Variants in LRRIQ1 observed in about 807,000 individuals in gnomAD.
LRRIQ1 encodes leucine-rich repeat- and IQ domain-containing protein 1.
Under a neutral mutation model 211.9 loss-of-function variants are expected in LRRIQ1, and 210 were observed. The ratio of observed to expected loss-of-function variants is 0.99; its 90% CI spans 0.89 to 1.11. The LOEUF is 1.11. Among genes scored for constraint, LRRIQ1 ranks in the 50% most tolerant of loss-of-function variants. The pLI is 0.00. For synonymous variants in LRRIQ1, 699 were observed against 650.1 expected (o/e 1.08, Z -1.14); for missense variants, 2,136 against 1,939.5 (o/e 1.10, Z -1.90).
intron 24 of LRRIQ1, among the ~76,000 whole-genome samples, chr12:85,165,876 C>T (rs558103946): frequency 1.2e-4 from 18 of 152,250 alleles, no homozygotes; most frequent in Admixed American, 3.3e-4. Context: ...CAGGTCCCTG[C>T]TATTGTGACT....
chr12:85,120,957 GT>G (rs144827702), intron 15 of LRRIQ1, among the ~76,000 whole-genome samples: 33 of 151,286 alleles, frequency 2.2e-4, no homozygotes, highest in African/African-American at 4.1e-4. Context: ...TTTGTTTTTT[GT>G]TTTTTTTGTT....
chr12:85,259,346 T>A (rs1471276019), intron 1 of LRRIQ1, among the ~76,000 whole-genome samples: 1 of 152,078 alleles, frequency 6.6e-6, no homozygotes, highest in Non-Finnish European at 1.5e-5. Context: ...AATTTTAGTA[T>A]GATTATACAT....
At chr12:85,136,284 T>A (rs976845738) in intron 18 of LRRIQ1, among the ~76,000 whole-genome samples, 1 of 151,958 alleles carries the variant, frequency 6.6e-6, no homozygotes, top group Non-Finnish European at 1.5e-5. Context: ...TCAGCCATCA[T>A]CACTTGCCTT....
chr12:85,257,933 T>A (rs115454837), intron 1 of LRRIQ1, among the ~76,000 whole-genome samples: 3,242 of 151,908 alleles, frequency 0.021, 113 homozygotes, highest in African/African-American at 0.075. Flanking sequence ...CACACTGGTA[T>A]GTTAAAAATA....
intron 24 of LRRIQ1, among the ~76,000 whole-genome samples, chr12:85,213,635 G>T (rs1317257685): frequency 6.6e-6 from 1 of 151,920 alleles, no homozygotes. Flanking sequence ...CTTATGCAGG[G>T]TGTTTTCTGA....
chr12:85,147,325 C>T (rs1321401211), intron 19 of LRRIQ1, among the ~76,000 whole-genome samples: 1 of 151,754 alleles, frequency 6.6e-6, no homozygotes, highest in Non-Finnish European at 1.5e-5. Flanking sequence ...TTTCAGGAAT[C>T]ACAAGTCTGA....
chr12:85,141,096 A>G (rs897630145), intron 19 of LRRIQ1, among the ~76,000 whole-genome samples: 2 of 151,220 alleles, frequency 1.3e-5, no homozygotes, highest in African/African-American at 4.8e-5. Context: ...TTTGTTGGGA[A>G]GTGTTTCCTC....
At chr12:85,103,127 G>A (rs905842952) in intron 13 of LRRIQ1, among the ~76,000 whole-genome samples, 3 of 150,274 alleles carry the variant, frequency 2.0e-5, no homozygotes, top group African/African-American at 7.3e-5. Flanking sequence ...TCAAAGTAGA[G>A]TTAATTTACC....
chr12:85,214,047 C>T (rs910690991), intron 24 of LRRIQ1, among the ~76,000 whole-genome samples: 1 of 151,676 alleles, frequency 6.6e-6, no homozygotes, highest in Non-Finnish European at 1.5e-5. Context: ...ATTTAAAAAC[C>T]TAGAAAAATA....
intron 18 of LRRIQ1, 23 bp from the exon 19 acceptor site, chr12:85,137,827 A>G (rs1231129998): frequency 6.4e-7 from 1 of 1,565,622 alleles, no homozygotes; most frequent in South Asian, 1.2e-5. Flanking sequence ...ACTTTGTATA[A>G]CATACTTTAC....
chr12:85,086,146 A>G (rs1032483920), intron 11 of LRRIQ1, among the ~76,000 whole-genome samples: 5 of 152,196 alleles, frequency 3.3e-5, no homozygotes, highest in Non-Finnish European at 5.9e-5. Context: ...GTGAGATGGT[A>G]TATCATTGTG....
chr12:85,212,153 C>T (rs1893866791), intron 24 of LRRIQ1, among the ~76,000 whole-genome samples: 1 of 151,752 alleles, frequency 6.6e-6, no homozygotes, highest in South Asian at 2.1e-4. Flanking sequence ...GGTGTGGTGG[C>T]ATGCACCTGT....
At chr12:85,201,952 C>T (rs1301196892) in intron 24 of LRRIQ1, among the ~76,000 whole-genome samples, 1 of 152,104 alleles carries the variant, frequency 6.6e-6, no homozygotes. Context: ...CCTCCTAACA[C>T]TGTCTTAGCT....
chr12:85,216,650 T>C (rs1894104054), intron 24 of LRRIQ1, among the ~76,000 whole-genome samples: 1 of 151,916 alleles, frequency 6.6e-6, no homozygotes, highest in Non-Finnish European at 1.5e-5. Flanking sequence ...ACATGATTAA[T>C]AGTTTAAAGC....
In LRRIQ1 at chr12:85,072,986, AT is replaced by A. The variant is rs1397358441; in HGVS notation, c.2776del (p.Ser926ProfsTer40). 1 of 1,612,852 alleles carries A rather than the reference AT, an allele frequency of 6.2e-7. No homozygotes were observed. The highest frequency in any genetic ancestry group is 1.3e-5 in the African/African-American group (1 of 74,910). On this transcript the variant is annotated frameshift_variant, in exon 11 of 27. Transcript: ENST00000393217. LOFTEE classifies it high-confidence loss of function. ...HHLGTSTSYL[S>X]LAQVWIPTGL... ...ACTTGGGCACCTCCACTTCTTACTT[AT>A]CCCTGGCACAAGTCTGGATTCCAAC...
At chr12:85,160,449 C>T (rs1890801645) in intron 23 of LRRIQ1, among the ~76,000 whole-genome samples, 164 bp from the exon 24 acceptor site, 1 of 151,948 alleles carries the variant, frequency 6.6e-6, no homozygotes, top group Non-Finnish European at 1.5e-5. Context: ...ACATGGTTGG[C>T]TACCTTTCCA....
chr12:85,115,397 C>T (rs1887499502), intron 15 of LRRIQ1, among the ~76,000 whole-genome samples: 1 of 152,152 alleles, frequency 6.6e-6, no homozygotes, highest in South Asian at 2.1e-4. Flanking sequence ...AAAACACTAA[C>T]TCCAATCTGG....
chr12:85,045,227 TAAAAG>T (rs988169010), intron 4 of LRRIQ1, among the ~76,000 whole-genome samples: 1 of 151,840 alleles, frequency 6.6e-6, no homozygotes. Flanking sequence ...TAGAAACAAA[TAAAAG>T]AAAAACTTAC....
intron 26 of LRRIQ1, among the ~76,000 whole-genome samples, chr12:85,236,830 CATATATATATATAT>C (rs60371759): frequency 9.2e-6 from 1 of 108,802 alleles, no homozygotes; most frequent in African/African-American, 4.5e-5. Flanking sequence ...TGTATGTGTG[CATATATATATATAT>C]ATATATATAT....
Sources: allele counts gnomAD v4.1 joint callset (sites outside exome capture counted in the v4.1 genomes callset), GRCh38; gene constraint gnomAD v4.1.1; transcripts MANE v1.5; gene names NCBI Gene and HGNC (gene_info 2026-07-23, HGNC 2026-07-21).